The following ARMC8 variants were observed in gnomAD, a reference collection of about 807,000 sequenced individuals.
The protein encoded by ARMC8 is armadillo repeat-containing protein 8.
In ARMC8, 20 loss-of-function variants were observed where a neutral mutation model predicts 99.3. The observed-to-expected ratio is 0.20, with a 90% CI of 0.14 to 0.29. ARMC8 has a LOEUF of 0.29. ARMC8 is among the 10% of genes least tolerant of loss of function. The pLI, the probability that ARMC8 is intolerant of heterozygous loss-of-function variation, is 1.00. For missense variants in ARMC8, 569 were observed against 809.5 expected, an observed-to-expected ratio of 0.70 and a Z score of 3.60; for synonymous variants, 263 against 278.3, an observed-to-expected ratio of 0.95 and a Z score of 0.55.
chr3:138,241,705 A>G (rs951560814), intron 10 of ARMC8, 78 bp from the exon 11 acceptor site: 30 of 1,152,142 alleles, frequency 2.6e-5, no homozygotes, highest in African/African-American at 2.6e-4. Context: ...GATAAAAGCT[A>G]TTGAGTTGAT....
At chr3:138,286,742 C>G (rs2050460693) in intron 19 of ARMC8, among the ~76,000 whole-genome samples, 1 of 152,132 alleles carries the variant, frequency 6.6e-6, no homozygotes, top group African/African-American at 2.4e-5. Flanking sequence ...AGAACCATTG[C>G]CTTAGGAGAA....
At chr3:138,241,720 T>C in intron 10 of ARMC8, 63 bp from the exon 11 acceptor site, 3 of 1,368,950 alleles carry the variant, frequency 2.2e-6, no homozygotes, top group Admixed American at 3.4e-5. Context: ...GTTGATTCAG[T>C]CACTATATGC....
intron 14 of ARMC8, among the ~76,000 whole-genome samples, chr3:138,264,894 ATTTTT>A (rs771921655): frequency 7.1e-6 from 1 of 140,146 alleles, no homozygotes; most frequent in Non-Finnish European, 1.6e-5. Flanking sequence ...CAATCCCTGG[ATTTTT>A]TTTTTTTTTT....
chr3:138,211,346 G>A (rs950682466), intron 2 of ARMC8, among the ~76,000 whole-genome samples: 11 of 152,296 alleles, frequency 7.2e-5, no homozygotes, highest in African/African-American at 2.4e-4. Flanking sequence ...ACTATGTTTA[G>A]GAGAAAGCTG....
intron 12 of ARMC8, among the ~76,000 whole-genome samples, chr3:138,253,706 A>T (rs115162219): frequency 6.6e-6 from 1 of 152,198 alleles, no homozygotes; most frequent in Non-Finnish European, 1.5e-5. Flanking sequence ...CCATCTGTAC[A>T]CTCATCATGT....
At chr3:138,253,098 G>A (rs1461478116) in intron 12 of ARMC8, among the ~76,000 whole-genome samples, 4 of 151,886 alleles carry the variant, frequency 2.6e-5, no homozygotes, top group African/African-American at 9.7e-5. Flanking sequence ...TTTTCACTAT[G>A]CTTGAGAGAA....
At chr3:138,273,881 G>A (rs1221345103) in intron 17 of ARMC8, among the ~76,000 whole-genome samples, 1 of 150,988 alleles carries the variant, frequency 6.6e-6, no homozygotes, top group East Asian at 1.9e-4. Flanking sequence ...CAGTGGCACA[G>A]TCTCCGGTCA....
chr3:138,257,131 A>C (rs1415643946), intron 12 of ARMC8, among the ~76,000 whole-genome samples: 1 of 152,260 alleles, frequency 6.6e-6, no homozygotes, highest in Non-Finnish European at 1.5e-5. Context: ...CAGATAGTTA[A>C]GTCCACTGCA....
At chr3:138,241,404 A>T (rs1192472539) in intron 10 of ARMC8, among the ~76,000 whole-genome samples, 2 of 152,226 alleles carry the variant, frequency 1.3e-5, no homozygotes, top group East Asian at 3.8e-4. Context: ...TCCTGATTAA[A>T]CTGCTGGGTC....
intron 18 of ARMC8, among the ~76,000 whole-genome samples, chr3:138,282,859 G>A (rs937491540): frequency 2.0e-5 from 3 of 151,972 alleles, no homozygotes; most frequent in Admixed American, 6.6e-5. Context: ...GATCTTTTCC[G>A]CAAGAGACTA....
chr3:138,263,117 T>C (rs2047915747), intron 12 of ARMC8, among the ~76,000 whole-genome samples: 1 of 152,240 alleles, frequency 6.6e-6, no homozygotes, highest in African/African-American at 2.4e-5. Flanking sequence ...TCAAATTCAG[T>C]TTCCTTCACA....
At chr3:138,209,613 G>C (rs1273670578) in intron 1 of ARMC8, among the ~76,000 whole-genome samples, 1 of 152,090 alleles carries the variant, frequency 6.6e-6, no homozygotes, top group African/African-American at 2.4e-5. Flanking sequence ...GAACACTACA[G>C]TTTCCCATTA....
intron 12 of ARMC8, among the ~76,000 whole-genome samples, chr3:138,256,593 G>A (rs1455184858): frequency 6.6e-6 from 1 of 151,490 alleles, no homozygotes; most frequent in Non-Finnish European, 1.5e-5. Context: ...TGTATTTTTA[G>A]TAGAGACGGG....
chr3:138,257,096 C>G (rs564384603), intron 12 of ARMC8, among the ~76,000 whole-genome samples: 1 of 152,268 alleles, frequency 6.6e-6, no homozygotes, highest in Admixed American at 6.5e-5. Flanking sequence ...TAAAAATGAA[C>G]AGGCACAAAT....
At chr3:138,290,990 C>G (rs2050886417) in intron 21 of ARMC8, among the ~76,000 whole-genome samples, 1 of 152,172 alleles carries the variant, frequency 6.6e-6, no homozygotes, top group African/African-American at 2.4e-5. Flanking sequence ...AGCTCAAAAC[C>G]TCACTGAACA....
chr3:138,192,767 G>GT (rs1283550329), intron 1 of ARMC8, among the ~76,000 whole-genome samples: 2 of 151,988 alleles, frequency 1.3e-5, no homozygotes, highest in Non-Finnish European at 2.9e-5. Flanking sequence ...ACTCCTAAGT[G>GT]TAAGCCATAC....
At chr3:138,264,850 A>G (rs934448901) in intron 14 of ARMC8, among the ~76,000 whole-genome samples, 2 of 149,266 alleles carry the variant, frequency 1.3e-5, no homozygotes, top group South Asian at 4.2e-4. Context: ...GGAATCTGCC[A>G]TTTACAGAGA....
chr3:138,231,205 A>G (rs546032872), intron 6 of ARMC8, among the ~76,000 whole-genome samples: 32 of 152,214 alleles, frequency 2.1e-4, no homozygotes, highest in Non-Finnish European at 4.3e-4. Flanking sequence ...TACTGACAAC[A>G]TGTATCTTTG....
At chr3:138,229,903 T>C (rs1246932404) in intron 6 of ARMC8, among the ~76,000 whole-genome samples, 1 of 152,192 alleles carries the variant, frequency 6.6e-6, no homozygotes, top group Non-Finnish European at 1.5e-5. Context: ...TTGGGAACTA[T>C]AGGAAAGAAG....
Sources: allele counts gnomAD v4.1 joint callset (sites outside exome capture counted in the v4.1 genomes callset), GRCh38; gene constraint gnomAD v4.1.1; transcripts MANE v1.5; gene names NCBI Gene and HGNC (gene_info 2026-07-23, HGNC 2026-07-21).